GRM7: variants seen among roughly 807,000 people sequenced by gnomAD.
GRM7 encodes the protein metabotropic glutamate receptor 7.
Under a neutral mutation model 84.5 loss-of-function variants are expected in GRM7, and 35 were observed. That is an observed-to-expected ratio of 0.41 (90% CI 0.32 to 0.55). The LOEUF (loss-of-function observed/expected upper bound fraction) is 0.55. Ranked by LOEUF, GRM7 falls within the 20% of genes least tolerant of loss-of-function variation. The pLI is 0.19. For missense variants in GRM7, 1,003 were observed against 1,194.6 expected, an observed-to-expected ratio of 0.84 and a Z score of 2.36; for synonymous variants, 487 against 455.1, an observed-to-expected ratio of 1.07 and a Z score of -0.89.
At chr3:7,594,804 G>A (rs1195663986) in intron 8 of GRM7, among the ~76,000 whole-genome samples, 1 of 152,094 alleles carries the variant, frequency 6.6e-6, no homozygotes, top group Non-Finnish European at 1.5e-5. Flanking sequence ...CCCACACAGA[G>A]AGCAAGGAGA....
chr3:7,533,704 T>C (rs910279017), intron 7 of GRM7, among the ~76,000 whole-genome samples: 2 of 152,218 alleles, frequency 1.3e-5, no homozygotes, highest in African/African-American at 4.8e-5. Flanking sequence ...GACTGTCATC[T>C]TCCTTGTTGA....
intron 4 of GRM7, among the ~76,000 whole-genome samples, chr3:7,338,564 A>C (rs1372024060): frequency 6.6e-6 from 1 of 152,128 alleles, no homozygotes; most frequent in East Asian, 1.9e-4. Flanking sequence ...ATGAATCGTT[A>C]AGTACAACAA....
intron 9 of GRM7, among the ~76,000 whole-genome samples, chr3:7,685,947 T>C (rs1438661525): frequency 6.6e-6 from 1 of 152,204 alleles, no homozygotes; most frequent in Non-Finnish European, 1.5e-5. Flanking sequence ...TCCATTTGTT[T>C]GGATCCCTAA....
chr3:7,454,692 T>C (rs886288640), intron 6 of GRM7, among the ~76,000 whole-genome samples: 2 of 152,096 alleles, frequency 1.3e-5, no homozygotes, highest in African/African-American at 4.8e-5. Context: ...GCCAGGTTTC[T>C]CATTATCCAA....
intron 2 of GRM7, among the ~76,000 whole-genome samples, chr3:7,249,823 G>A (rs923234624): frequency 6.6e-6 from 1 of 152,164 alleles, no homozygotes; most frequent in African/African-American, 2.4e-5. Flanking sequence ...TCTTGTCTGA[G>A]TGGCTTTGCC....
chr3:7,553,974 G>T (rs1268056945), intron 7 of GRM7, among the ~76,000 whole-genome samples: 2 of 151,718 alleles, frequency 1.3e-5, no homozygotes, highest in African/African-American at 4.8e-5. Context: ...TTGTTTTCAA[G>T]AACTCAACTA....
chr3:7,327,618 A>T (rs77322971), intron 4 of GRM7, among the ~76,000 whole-genome samples: 3,917 of 152,312 alleles, frequency 0.026, 154 homozygotes, highest in African/African-American at 0.089. Flanking sequence ...GCCACTCCCT[A>T]GTATAAAGTA....
chr3:7,469,273 A>G (rs745471305), intron 7 of GRM7, among the ~76,000 whole-genome samples: 47 of 152,296 alleles, frequency 3.1e-4, no homozygotes, highest in Admixed American at 1.3e-4. Context: ...TTGGTTTACC[A>G]AATAGGTTCC....
At chr3:7,420,713 A>C (rs764697198) in intron 5 of GRM7, among the ~76,000 whole-genome samples, 1 of 152,148 alleles carries the variant, frequency 6.6e-6, no homozygotes, top group Non-Finnish European at 1.5e-5. Context: ...GGGAACTGGA[A>C]ATGTATCAAA....
chr3:7,003,747 C>G (rs1381653016), intron 1 of GRM7, among the ~76,000 whole-genome samples: 1 of 152,190 alleles, frequency 6.6e-6, no homozygotes, highest in Non-Finnish European at 1.5e-5. Flanking sequence ...GTACATGCAT[C>G]TACTCCTATG....
chr3:7,181,185 C>T (rs1362960732), intron 2 of GRM7, among the ~76,000 whole-genome samples: 2 of 152,148 alleles, frequency 1.3e-5, no homozygotes, highest in African/African-American at 2.4e-5. Flanking sequence ...AACCATTACC[C>T]TTCTCTTCTT....
At chr3:7,694,670 C>A (rs1159894127) in intron 9 of GRM7, among the ~76,000 whole-genome samples, 1 of 152,126 alleles carries the variant, frequency 6.6e-6, no homozygotes, top group African/African-American at 2.4e-5. Flanking sequence ...AATTTCATAA[C>A]ACAACGCATG....
intron 5 of GRM7, among the ~76,000 whole-genome samples, chr3:7,432,266 G>C (rs1696860780): frequency 6.6e-6 from 1 of 152,198 alleles, no homozygotes; most frequent in South Asian, 2.1e-4. Context: ...CACTAGGAGT[G>C]AACGCCAGTG....
chr3:6,977,760 C>T (rs1694055289), intron 1 of GRM7, among the ~76,000 whole-genome samples: 2 of 152,078 alleles, frequency 1.3e-5, no homozygotes, highest in Admixed American at 6.5e-5. Flanking sequence ...AAATGTTGGG[C>T]TTAACATGAC....
intron 8 of GRM7, among the ~76,000 whole-genome samples, chr3:7,675,956 G>T (rs769515421): frequency 5.3e-5 from 8 of 152,072 alleles, no homozygotes; most frequent in Non-Finnish European, 1.0e-4. Flanking sequence ...TCAGAAAACT[G>T]AAAGACAGAG....
At chr3:6,943,075 C>T (rs755792103) in intron 1 of GRM7, among the ~76,000 whole-genome samples, 1 of 151,900 alleles carries the variant, frequency 6.6e-6, no homozygotes, top group Admixed American at 6.6e-5. Flanking sequence ...TCCTTATTGT[C>T]AAGTTTTTAA....
At chr3:7,103,783 TTTCTTTCTTTC>T (rs1322824084) in intron 1 of GRM7, among the ~76,000 whole-genome samples, 216 of 111,298 alleles carry the variant, frequency 1.9e-3, no homozygotes, top group Non-Finnish European at 2.3e-3. Flanking sequence ...TCTTTCTTTC[TTTCTTTCTTTC>T]TTTCTTTCTT....
intron 7 of GRM7, among the ~76,000 whole-genome samples, chr3:7,555,254 A>C (rs1693702805): frequency 6.6e-6 from 1 of 152,188 alleles, no homozygotes; most frequent in Non-Finnish European, 1.5e-5. Context: ...TGTCACTAGT[A>C]ATAATAAGGT....
At chr3:7,512,603 T>TC (rs201081782) in intron 7 of GRM7, among the ~76,000 whole-genome samples, 1 of 130,194 alleles carries the variant, frequency 7.7e-6, no homozygotes, top group Admixed American at 7.8e-5. Context: ...TTTTTTTTTT[T>TC]GAGCATTAGA....
Sources: gnomAD v4.1 joint callset for allele counts (sites outside exome capture counted in the v4.1 genomes callset) on GRCh38, gnomAD v4.1.1 for gene constraint, MANE v1.5 for transcripts, NCBI Gene and HGNC (gene_info 2026-07-23, HGNC 2026-07-21) for gene names.